The following EXOC3L2 variants were observed in gnomAD, a reference collection of about 807,000 sequenced individuals.
The protein encoded by EXOC3L2 is exocyst complex component 3 like 2, also known as exocyst complex component 3-like protein 2.
In EXOC3L2, 17 loss-of-function variants were observed where a neutral mutation model predicts 44.4. The ratio of observed to expected loss-of-function variants is 0.38; its 90% CI spans 0.26 to 0.57. The LOEUF is 0.57. Ranked by LOEUF, EXOC3L2 falls within the 20% of genes least tolerant of loss-of-function variation. The pLI is 0.65. For missense variants in EXOC3L2, 541 were observed against 588.4 expected, an observed-to-expected ratio of 0.92 and a Z score of 0.83; for synonymous variants, 256 against 253.7, an observed-to-expected ratio of 1.01 and a Z score of -0.09.
intron 3 of EXOC3L2, 69 bp from the exon 4 acceptor site, chr19:45,231,943 A>C (rs1599766575): frequency 1.1e-6 from 1 of 920,944 alleles, no homozygotes. Flanking sequence ...CCTTCCCCAC[A>C]CCCTCCTACC....
intron 7 of EXOC3L2, among the ~76,000 whole-genome samples, chr19:45,226,480 A>G (rs1314996556): frequency 6.6e-6 from 1 of 151,962 alleles, no homozygotes; most frequent in East Asian, 1.9e-4. Context: ...TCTGTCACCC[A>G]GGCTGCAGTG....
At chr19:45,221,720 T>C (rs1204761523) in intron 8 of EXOC3L2, among the ~76,000 whole-genome samples, 1 of 146,180 alleles carries the variant, frequency 6.8e-6, no homozygotes, top group Non-Finnish European at 1.5e-5. Flanking sequence ...TGAACACAGC[T>C]CACTACATCC....
intron 8 of EXOC3L2, among the ~76,000 whole-genome samples, chr19:45,221,948 C>T (rs974180636): frequency 1.3e-5 from 2 of 151,574 alleles, no homozygotes; most frequent in Non-Finnish European, 2.9e-5. Context: ...CCACGCCCGG[C>T]CAGCTCTGTT....
intron 8 of EXOC3L2, among the ~76,000 whole-genome samples, chr19:45,221,206 T>C (rs1406350800): frequency 3.3e-5 from 4 of 119,494 alleles, no homozygotes; most frequent in Non-Finnish European, 7.1e-5. Flanking sequence ...TTTTGTTTTT[T>C]TGTGGTTTTT....
intron 11 of EXOC3L2, among the ~76,000 whole-genome samples, chr19:45,215,237 G>A (rs1480257361): frequency 1.3e-5 from 2 of 152,148 alleles, no homozygotes; most frequent in Non-Finnish European, 2.9e-5. Flanking sequence ...GTGGGAAGCC[G>A]AGGCAGGCAG....
In EXOC3L2 at chr19:45,238,247, G is replaced by C. The variant is rs1408928308; in HGVS notation, c.523+276C>G. Among the ~76,000 whole-genome samples the C allele has an allele frequency of 6.6e-6, 1 of 152,178 alleles. No homozygotes were observed. Among genetic ancestry groups the C allele is most frequent in the Non-Finnish European group, 1.5e-5 (1 of 68,036 alleles). On this transcript the variant is annotated intron_variant, in intron 2 of 11. Transcript: ENST00000413988. This position sits in a 1 kb window ranked among gnomAD's most constrained non-coding sequence, Gnocchi z 5.5. ...CCTTGGCTTTAGACATGGGAGTAGGGCTGAAGACGGCAGGTGGAGGAGGCA... is the reference window on the plus strand; with the variant it reads ...CCTTGGCTTTAGACATGGGAGTAGGCCTGAAGACGGCAGGTGGAGGAGGCA...
Position 45,231,878 on chromosome 19 carries a change from G to A in EXOC3L2, c.1158-4C>T. On this transcript the variant is annotated splice_polypyrimidine_tract_variant and splice_region_variant and intron_variant, in intron 3 of 11. Transcript: ENST00000413988. Reference sequence around the variant, plus strand: ...GTCCACCAGCCCTAGGACCTCTCTGGGGATGGGGGTGAGAGAAAAGGAGGT... The same window carrying A: ...GTCCACCAGCCCTAGGACCTCTCTGAGGATGGGGGTGAGAGAAAAGGAGGT... The A allele has an allele frequency of 6.3e-7, 1 of 1,576,986 alleles. No individual in the cohort carries two copies. Among genetic ancestry groups the A allele is most frequent in the Non-Finnish European group, 8.7e-7 (1 of 1,151,884 alleles).
intron 8 of EXOC3L2, among the ~76,000 whole-genome samples, chr19:45,218,919 G>A (rs566612505): frequency 4.6e-5 from 7 of 152,068 alleles, no homozygotes; most frequent in East Asian, 3.9e-4. Context: ...GCAACATTGC[G>A]AGACCCCATC....
At chr19:45,242,388 CCAAG>C (rs1265482375) in intron 1 of EXOC3L2, among the ~76,000 whole-genome samples, 1 of 152,134 alleles carries the variant, frequency 6.6e-6, no homozygotes, top group Non-Finnish European at 1.5e-5. Flanking sequence ...CCTCAGCCTC[CCAAG>C]CAACGGGGAC....
In EXOC3L2 at chr19:45,217,788, G is replaced by A. The variant is rs1023148348; in HGVS notation, c.1843-105C>T. 1.3e-4 allele frequency: 165 copies of A among 1,243,150 alleles called. No individual in the cohort carries two copies. The African/African-American group carries it at 2.5e-3, about 19-fold the overall frequency. The allele number at this position is 1,243,150 out of a possible 1,614,324, so 77.0% of individuals were successfully genotyped here. ...CGCCCCACTCGCCCACATCCACTCC[G>A]GGCACCCATGGGCACCCTTCCCGTG... On this transcript the variant is annotated intron_variant, in intron 9 of 11. Transcript: ENST00000413988.
intron 1 of EXOC3L2, among the ~76,000 whole-genome samples, chr19:45,239,856 C>T (rs1033471407): frequency 2.0e-5 from 3 of 151,898 alleles, no homozygotes; most frequent in Non-Finnish European, 4.4e-5. Context: ...CCTCCTACTC[C>T]GTGGAGAAAC....
At chr19:45,222,853 A>G (rs1187146674) in intron 8 of EXOC3L2, among the ~76,000 whole-genome samples, 1 of 152,254 alleles carries the variant, frequency 6.6e-6, no homozygotes, top group Non-Finnish European at 1.5e-5. Context: ...ATGAATCTAC[A>G]ACCCATCTCA....
Position 45,213,352 on chromosome 19 carries a change from T to G in EXOC3L2, c.2126A>C (p.Lys709Thr). ...LVRDYPDIRQKHVAALLDIRG... is the reference protein window; with the variant it reads ...LVRDYPDIRQTHVAALLDIRG... ...GATGTCGAGGAGGGCTGCCACGTGC[T>G]TCTGCCTGTGGGGAGAGGAACAGAC... The change falls in exon 12 of 12, where the codon AAG (lysine) becomes ACG (threonine). Residue 709 changes from lysine (K) to threonine (T), a missense_variant. By Grantham distance (78) the Lys-to-Thr change is moderately conservative. Transcript: ENST00000413988. 2 of 1,613,258 alleles carry G rather than the reference T, an allele frequency of 1.2e-6. No individual in the cohort carries two copies. The highest frequency in any genetic ancestry group is 1.7e-6 in the Non-Finnish European group (2 of 1,179,664).
At chr19:45,231,457 C>CAAAAA (rs34610401) in intron 4 of EXOC3L2, among the ~76,000 whole-genome samples, 4 of 61,296 alleles carry the variant, frequency 6.5e-5, no homozygotes, top group Admixed American at 2.5e-4. Flanking sequence ...GACCCTGCCT[C>CAAAAA]AAAAAAAAAA....
chr19:45,240,529 C>T, intron 1 of EXOC3L2, among the ~76,000 whole-genome samples: 1 of 152,092 alleles, frequency 6.6e-6, no homozygotes, highest in Admixed American at 6.6e-5. Flanking sequence ...AAGGAAGACA[C>T]TCTGGAACTA....
intron 4 of EXOC3L2, among the ~76,000 whole-genome samples, chr19:45,230,635 C>T (rs558185679): frequency 6.6e-6 from 1 of 152,302 alleles, no homozygotes; most frequent in East Asian, 1.9e-4. Context: ...AGGTGTGAGC[C>T]ACCGCGCCCG....
intron 1 of EXOC3L2, 37 bp downstream of exon 1, chr19:45,245,304 A>G (rs1053096047): frequency 6.6e-6 from 1 of 151,788 alleles, no homozygotes; most frequent in Non-Finnish European, 1.5e-5. Flanking sequence ...TGCCCTGGGG[A>G]AGGGGGACCC....
chr19:45,218,158 T>TGCCCCCCCCCCCCC, intron 9 of EXOC3L2, 39 bp downstream of exon 9: 2 of 1,034,906 alleles, frequency 1.9e-6, no homozygotes, highest in Non-Finnish European at 2.7e-6. Flanking sequence ...TCCCCTCTTT[T>TGCCCCCCCCCCCCC]CCCCCACCCC....
At chr19:45,221,800 AC>A (rs1969901497) in intron 8 of EXOC3L2, among the ~76,000 whole-genome samples, 1 of 151,332 alleles carries the variant, frequency 6.6e-6, no homozygotes, top group African/African-American at 2.4e-5. Context: ...GGCACCCACC[AC>A]CACACCCAGC....
Sources: allele counts gnomAD v4.1 joint callset (sites outside exome capture counted in the v4.1 genomes callset), GRCh38; gene constraint gnomAD v4.1.1; non-coding constraint Gnocchi (gnomAD v3.1); transcripts MANE v1.5; gene names NCBI Gene and HGNC (gene_info 2026-07-23, HGNC 2026-07-21).